The following TOX3 variants were observed in gnomAD, a reference collection of about 807,000 sequenced individuals.
The protein encoded by TOX3 is CAG trinucleotide repeat-containing gene F9 protein.
A neutral mutation model predicts 64.3 loss-of-function variants in TOX3; 22 were observed. The observed-to-expected ratio is 0.34, with a 90% CI of 0.24 to 0.49. TOX3 has a LOEUF of 0.49. Ranked by LOEUF, TOX3 falls within the 20% of genes least tolerant of loss-of-function variation. TOX3 has a pLI of 0.99. For missense variants in TOX3, 661 were observed against 714.4 expected (o/e 0.93, Z 0.85); for synonymous variants, 291 against 273.6 (o/e 1.06, Z -0.63).
chr16:52,509,581 G>T (rs936189087), intron 1 of TOX3, among the ~76,000 whole-genome samples: 19 of 152,058 alleles, frequency 1.2e-4, no homozygotes, highest in African/African-American at 4.6e-4. Flanking sequence ...CTCTATCCAC[G>T]TTCTTTCAAA....
At chr16:52,523,463 C>T (rs1240758244) in intron 1 of TOX3, among the ~76,000 whole-genome samples, 5 of 152,140 alleles carry the variant, frequency 3.3e-5, no homozygotes, top group South Asian at 2.1e-4. Context: ...AAATAGCCAT[C>T]GACATCTAGT....
At chr16:52,487,016 A>T (rs1165692194) in intron 1 of TOX3, among the ~76,000 whole-genome samples, 1 of 152,208 alleles carries the variant, frequency 6.6e-6, no homozygotes, top group Non-Finnish European at 1.5e-5. Flanking sequence ...AAGGGGAAAA[A>T]TAATAAGCAT....
intron 1 of TOX3, among the ~76,000 whole-genome samples, chr16:52,496,515 G>C (rs1279831817): frequency 1.3e-5 from 2 of 152,174 alleles, no homozygotes; most frequent in African/African-American, 4.8e-5. Context: ...CCTTACAAAA[G>C]AAGTACTTTC....
chr16:52,513,879 G>A (rs1962376860), intron 1 of TOX3, among the ~76,000 whole-genome samples: 1 of 152,130 alleles, frequency 6.6e-6, no homozygotes, highest in Admixed American at 6.5e-5. Context: ...ATAATGGGAG[G>A]CCTGTATTAA....
intron 6 of TOX3, among the ~76,000 whole-genome samples, chr16:52,442,127 G>A (rs1171780504): frequency 6.6e-6 from 1 of 152,188 alleles, no homozygotes; most frequent in African/African-American, 2.4e-5. Context: ...AAATGGAGAT[G>A]GGTGGATGAT....
chr16:52,480,730 A>G (rs1238246139), intron 1 of TOX3, among the ~76,000 whole-genome samples: 2 of 152,190 alleles, frequency 1.3e-5, no homozygotes, highest in Non-Finnish European at 2.9e-5. Context: ...TTCCTATACT[A>G]TCTTCCATTC....
intron 1 of TOX3, among the ~76,000 whole-genome samples, chr16:52,474,837 A>C (rs1961160945): frequency 6.6e-6 from 1 of 152,038 alleles, no homozygotes; most frequent in Admixed American, 6.5e-5. Context: ...CATTCAAGGG[A>C]GATGCCCAAT....
chr16:52,465,677 T>C (rs16951188), intron 2 of TOX3, among the ~76,000 whole-genome samples: 9,221 of 151,740 alleles, frequency 0.061, 781 homozygotes, highest in African/African-American at 0.19. Context: ...CTATCAATCA[T>C]GATATAATGT....
At chr16:52,448,300 G>C (rs562742386) in intron 4 of TOX3, among the ~76,000 whole-genome samples, 1 of 152,216 alleles carries the variant, frequency 6.6e-6, no homozygotes, top group East Asian at 1.9e-4. Context: ...CTAGACCCTC[G>C]CTTAAAATGG....
chr16:52,530,105 A>G (rs964968937), intron 1 of TOX3, among the ~76,000 whole-genome samples: 10 of 152,236 alleles, frequency 6.6e-5, no homozygotes, highest in African/African-American at 2.4e-4. Flanking sequence ...TTCTTCCAAC[A>G]GATTTTATTA....
At chr16:52,537,547 G>A (rs757820903) in intron 1 of TOX3, among the ~76,000 whole-genome samples, 11 of 152,254 alleles carry the variant, frequency 7.2e-5, no homozygotes, top group East Asian at 3.9e-4. Context: ...CCAGTTAGCC[G>A]TTTCAATGGA....
chr16:52,473,998 AG>A (rs1369767352), intron 1 of TOX3, among the ~76,000 whole-genome samples: 6 of 152,266 alleles, frequency 3.9e-5, no homozygotes, highest in Admixed American at 1.3e-4. Context: ...CTCCTAGATG[AG>A]GATCCCCTGA....
intron 1 of TOX3, among the ~76,000 whole-genome samples, chr16:52,508,844 G>A (rs1332048377): frequency 1.3e-5 from 2 of 152,080 alleles, no homozygotes; most frequent in Admixed American, 6.5e-5. Flanking sequence ...AAATTCACAT[G>A]TATAGCTATA....
At chr16:52,501,387 G>C (rs1326898413) in intron 1 of TOX3, among the ~76,000 whole-genome samples, 1 of 152,138 alleles carries the variant, frequency 6.6e-6, no homozygotes, top group Non-Finnish European at 1.5e-5. Flanking sequence ...AAAATATAGA[G>C]ATGGCTGAGC....
chr16:52,450,073 A>G (rs542504049), intron 4 of TOX3, among the ~76,000 whole-genome samples: 16 of 152,384 alleles, frequency 1.0e-4, no homozygotes, highest in African/African-American at 3.8e-4. Flanking sequence ...ATAGTAGGAG[A>G]AGCCAGATCT....
intron 1 of TOX3, among the ~76,000 whole-genome samples, chr16:52,507,562 T>A (rs1197388476): frequency 6.6e-6 from 1 of 152,202 alleles, no homozygotes; most frequent in Non-Finnish European, 1.5e-5. Flanking sequence ...GTAACTGAAA[T>A]CTTTACTTCA....
At chr16:52,482,491 G>T (rs746418842) in intron 1 of TOX3, among the ~76,000 whole-genome samples, 4 of 152,056 alleles carry the variant, frequency 2.6e-5, no homozygotes, top group Non-Finnish European at 5.9e-5. Context: ...GTGACCAAAA[G>T]GGAGGAAAAA....
At chr16:52,505,581 T>G (rs868593713) in intron 1 of TOX3, among the ~76,000 whole-genome samples, 2 of 152,200 alleles carry the variant, frequency 1.3e-5, no homozygotes, top group Non-Finnish European at 2.9e-5. Flanking sequence ...CTGCTTTGGC[T>G]TCCAGAGAAT....
At chr16:52,456,320 C>T (rs1960515337) in intron 3 of TOX3, among the ~76,000 whole-genome samples, 1 of 152,228 alleles carries the variant, frequency 6.6e-6, no homozygotes, top group South Asian at 2.1e-4. Flanking sequence ...TAGCCTGCCA[C>T]CTCAATCTGT....
Sources: allele counts gnomAD v4.1 joint callset (sites outside exome capture counted in the v4.1 genomes callset), GRCh38; gene constraint gnomAD v4.1.1; transcripts MANE v1.5; gene names NCBI Gene and HGNC (gene_info 2026-07-23, HGNC 2026-07-21).